RBFOX1: variants seen among roughly 807,000 people sequenced by gnomAD.
RBFOX1 encodes RNA binding fox-1 homolog 1.
A neutral mutation model predicts 57.7 loss-of-function variants in RBFOX1; 8 were observed. That is an observed-to-expected ratio of 0.14 (90% CI 0.08 to 0.25). The LOEUF (loss-of-function observed/expected upper bound fraction) is 0.25. RBFOX1 is among the 10% of genes least tolerant of loss of function. The pLI is 1.00. For missense variants in RBFOX1, 611 were observed against 548.5 expected, an observed-to-expected ratio of 1.11 and a Z score of -1.14; for synonymous variants, 326 against 222.4, an observed-to-expected ratio of 1.47 and a Z score of -4.15.
In RBFOX1 at chr16:6,193,392, C is replaced by CTATATATATATATA. The variant is rs55707901; in HGVS notation, c.-126-123582_-126-123569dup. ...TATATATATACATTATATATATATA[C>CTATATATATATATA]TATATATATATATATATATATATAT... On this transcript the variant is annotated intron_variant, in intron 1 of 15. Transcript: ENST00000550418. Among the ~76,000 whole-genome samples, 84 of 43,190 alleles carry CTATATATATATATA rather than the reference C, an allele frequency of 1.9e-3. 1 individual carries two copies. The highest frequency in any genetic ancestry group is 5.4e-3 in the East Asian group (8 of 1,482). 28.3% of individuals were successfully genotyped at this position (43,190 alleles called of 152,430 possible). A position where few individuals can be genotyped will look rare whatever the true frequency, so the allele number is the denominator to read the frequency against.
intron 3 of RBFOX1, among the ~76,000 whole-genome samples, chr16:5,865,458 T>C (rs1010117148): frequency 6.6e-6 from 1 of 152,290 alleles, no homozygotes; most frequent in East Asian, 1.9e-4. Flanking sequence ...CCACAGCTCA[T>C]GGACTTTCTT....
intron 2 of RBFOX1, among the ~76,000 whole-genome samples, chr16:6,329,974 C>A (rs953425514): frequency 2.0e-5 from 3 of 151,870 alleles, no homozygotes; most frequent in African/African-American, 7.3e-5. Flanking sequence ...AATCAAAAAC[C>A]ACAAGGTGGA....
chr16:7,213,753 G>A (rs2091562234), intron 4 of RBFOX1, among the ~76,000 whole-genome samples: 1 of 152,160 alleles, frequency 6.6e-6, no homozygotes, highest in Non-Finnish European at 1.5e-5. Flanking sequence ...ATGTCATCAT[G>A]AATAACGGAT....
At chr16:6,421,022 A>G (rs1362226898) in intron 2 of RBFOX1, among the ~76,000 whole-genome samples, 2 of 152,312 alleles carry the variant, frequency 1.3e-5, no homozygotes, top group East Asian at 1.9e-4. Context: ...TGATGGCACT[A>G]TTCCTCAATG....
At chr16:6,965,759 G>T (rs746425879) in intron 3 of RBFOX1, among the ~76,000 whole-genome samples, 26 of 152,106 alleles carry the variant, frequency 1.7e-4, no homozygotes, top group Admixed American at 3.3e-4. Context: ...ATTATCCTGG[G>T]GTGCTTTCTC....
intron 2 of RBFOX1, among the ~76,000 whole-genome samples, chr16:6,365,075 C>A (rs929169850): frequency 1.4e-5 from 2 of 142,174 alleles, no homozygotes; most frequent in African/African-American, 5.5e-5. Context: ...ACTGATGAGC[C>A]CAAAATGGGA....
intron 3 of RBFOX1, among the ~76,000 whole-genome samples, chr16:6,893,893 G>C (rs748029503): frequency 3.3e-5 from 5 of 152,158 alleles, no homozygotes; most frequent in African/African-American, 9.7e-5. Flanking sequence ...GATAGGGTCA[G>C]CTGTCACACA....
At chr16:6,498,643 C>G (rs1162760117) in intron 2 of RBFOX1, among the ~76,000 whole-genome samples, 1 of 152,024 alleles carries the variant, frequency 6.6e-6, no homozygotes, top group African/African-American at 2.4e-5. Context: ...CAATGTCTGC[C>G]CATATTAAGG....
intron 3 of RBFOX1, among the ~76,000 whole-genome samples, chr16:7,011,553 G>C (rs768890522): frequency 6.6e-6 from 1 of 152,056 alleles, no homozygotes; most frequent in African/African-American, 2.4e-5. Flanking sequence ...TTGCTTTGTC[G>C]CACAGGCTGG....
intron 3 of RBFOX1, among the ~76,000 whole-genome samples, chr16:5,643,933 C>G (rs1596562178): frequency 6.6e-6 from 1 of 152,240 alleles, no homozygotes; most frequent in East Asian, 1.9e-4. Context: ...GACATTATAC[C>G]AAATGGGCCT....
At chr16:7,469,812 T>G (rs2061231976) in intron 4 of RBFOX1, among the ~76,000 whole-genome samples, 1 of 152,190 alleles carries the variant, frequency 6.6e-6, no homozygotes, top group African/African-American at 2.4e-5. Flanking sequence ...GAAACTGAAA[T>G]TCTGTCCCCA....
chr16:7,032,214 C>T (rs942765872), intron 3 of RBFOX1, among the ~76,000 whole-genome samples: 1 of 152,170 alleles, frequency 6.6e-6, no homozygotes. Flanking sequence ...CGCTTGAGGT[C>T]AGGAGTTCGA....
chr16:5,748,723 G>A (rs1335965321), intron 3 of RBFOX1, among the ~76,000 whole-genome samples: 2 of 151,932 alleles, frequency 1.3e-5, no homozygotes, highest in African/African-American at 4.8e-5. Flanking sequence ...CATTTGCTTG[G>A]TAGATCTTCC....
intron 4 of RBFOX1, among the ~76,000 whole-genome samples, chr16:5,995,767 A>G (rs1273967247): frequency 6.6e-6 from 1 of 152,182 alleles, no homozygotes. Context: ...AGTACCATAA[A>G]TAGGGTAGGG....
chr16:6,701,216 C>T (rs963730860), intron 3 of RBFOX1, among the ~76,000 whole-genome samples: 6 of 151,992 alleles, frequency 3.9e-5, no homozygotes, highest in African/African-American at 1.2e-4. Flanking sequence ...TCATTGGATG[C>T]AAGTTGCCCC....
chr16:5,554,573 A>T (rs1369683121), intron 2 of RBFOX1, among the ~76,000 whole-genome samples: 1 of 152,204 alleles, frequency 6.6e-6, no homozygotes, highest in Non-Finnish European at 1.5e-5. Context: ...TTCTATAATG[A>T]AAATGCACAG....
chr16:7,665,648 G>C (rs1417998918), intron 13 of RBFOX1, among the ~76,000 whole-genome samples: 1 of 152,072 alleles, frequency 6.6e-6, no homozygotes, highest in East Asian at 1.9e-4. Context: ...TCATCTAGAG[G>C]TAGTTATTCT....
chr16:7,466,351 C>A (rs1019575085), intron 4 of RBFOX1, among the ~76,000 whole-genome samples: 3 of 151,586 alleles, frequency 2.0e-5, no homozygotes, highest in African/African-American at 7.3e-5. Flanking sequence ...TTATTTCATG[C>A]CAAGCTAGCG....
intron 2 of RBFOX1, among the ~76,000 whole-genome samples, chr16:6,522,891 G>C (rs560057319): frequency 1.1e-4 from 16 of 152,058 alleles, no homozygotes; most frequent in African/African-American, 3.9e-4. Context: ...TCTCTTCCTT[G>C]ATCCCACCTA....
Sources: allele counts gnomAD v4.1 joint callset (sites outside exome capture counted in the v4.1 genomes callset), GRCh38; gene constraint gnomAD v4.1.1; transcripts MANE v1.5; gene names NCBI Gene and HGNC (gene_info 2026-07-23, HGNC 2026-07-21).